The following GMDS variants were observed in gnomAD, a reference collection of about 807,000 sequenced individuals.
GMDS encodes the protein GDP-mannose 4,6-dehydratase, also known as GDP-mannose 4,6 dehydratase.
A neutral mutation model predicts 49.9 loss-of-function variants in GMDS; 20 were observed. The ratio of observed to expected loss-of-function variants is 0.40; its 90% CI spans 0.28 to 0.58. The LOEUF (loss-of-function observed/expected upper bound fraction) is 0.58. Among genes scored for constraint, GMDS ranks in the 20% least tolerant of loss-of-function variants. The pLI, the probability that GMDS is intolerant of heterozygous loss-of-function variation, is 0.42. For synonymous variants in GMDS, 177 were observed against 178.6 expected (o/e 0.99, Z 0.07); for missense variants, 362 against 481.4 (o/e 0.75, Z 2.32).
chr6:2,068,898 CA>C (rs1340020097), intron 4 of GMDS, among the ~76,000 whole-genome samples: 1 of 152,110 alleles, frequency 6.6e-6, no homozygotes, highest in Non-Finnish European at 1.5e-5. Context: ...ACTCTCTTCA[CA>C]GAAATGGAAA....
At chr6:1,966,714 C>T (rs533304832) in intron 4 of GMDS, among the ~76,000 whole-genome samples, 3 of 152,198 alleles carry the variant, frequency 2.0e-5, no homozygotes, top group Non-Finnish European at 2.9e-5. Flanking sequence ...TCACATGTCA[C>T]ACTGAGATGG....
intron 1 of GMDS, among the ~76,000 whole-genome samples, chr6:2,149,332 T>C (rs1776731506): frequency 6.6e-6 from 1 of 152,190 alleles, no homozygotes; most frequent in African/African-American, 2.4e-5. Context: ...GACTTTTTAT[T>C]TTTTTAGCCA....
intron 7 of GMDS, among the ~76,000 whole-genome samples, chr6:1,897,353 A>G (rs1760254171): frequency 6.6e-6 from 1 of 152,178 alleles, no homozygotes; most frequent in Non-Finnish European, 1.5e-5. Flanking sequence ...ATCTCCAAAT[A>G]CGGTCACATT....
At chr6:2,192,302 C>A (rs1412027471) in intron 1 of GMDS, among the ~76,000 whole-genome samples, 2 of 152,168 alleles carry the variant, frequency 1.3e-5, no homozygotes, top group African/African-American at 4.8e-5. Context: ...CACTGTGGGT[C>A]TTCTCTGAGC....
At chr6:1,820,785 CCTG>C (rs1416760980) in intron 7 of GMDS, among the ~76,000 whole-genome samples, 1 of 152,170 alleles carries the variant, frequency 6.6e-6, no homozygotes, top group Non-Finnish European at 1.5e-5. Flanking sequence ...TAACTGCAAG[CCTG>C]CTGCTTTTTA....
chr6:2,001,307 C>T (rs1186019695), intron 4 of GMDS, among the ~76,000 whole-genome samples: 1 of 152,096 alleles, frequency 6.6e-6, no homozygotes, highest in Non-Finnish European at 1.5e-5. Context: ...GAAATGTTTA[C>T]TCAGTTCCTT....
chr6:2,124,603 G>A (rs1775315723), intron 2 of GMDS, 84 bp downstream of exon 2: 10 of 986,470 alleles, frequency 1.0e-5, no homozygotes, highest in Non-Finnish European at 1.1e-5. Flanking sequence ...AACACACTCA[G>A]GAGGACGGCA....
intron 7 of GMDS, among the ~76,000 whole-genome samples, chr6:1,917,835 C>T (rs973335760): frequency 6.6e-6 from 1 of 152,214 alleles, no homozygotes; most frequent in Non-Finnish European, 1.5e-5. Context: ...CAGACTATCG[C>T]TCTGCTCTGT....
chr6:2,170,454 T>C (rs1476626809), intron 1 of GMDS, among the ~76,000 whole-genome samples: 1 of 151,722 alleles, frequency 6.6e-6, no homozygotes, highest in African/African-American at 2.4e-5. Context: ...AGCAAGACCC[T>C]ACCTCTACAG....
intron 9 of GMDS, among the ~76,000 whole-genome samples, chr6:1,700,946 T>A (rs1347297453): frequency 4.6e-5 from 7 of 152,198 alleles, no homozygotes; most frequent in Admixed American, 4.6e-4. Flanking sequence ...ATCCTATTCG[T>A]AAATCATAAC....
At chr6:1,736,540 G>A (rs1000344334) in intron 8 of GMDS, among the ~76,000 whole-genome samples, 10 of 152,174 alleles carry the variant, frequency 6.6e-5, no homozygotes, top group Non-Finnish European at 4.4e-5. Flanking sequence ...TAGCTCTAAT[G>A]GGGATTTTGA....
At chr6:2,132,288 T>C (rs1238460729) in intron 1 of GMDS, among the ~76,000 whole-genome samples, 2 of 152,192 alleles carry the variant, frequency 1.3e-5, no homozygotes, top group Non-Finnish European at 1.5e-5. Context: ...TCACATAAAA[T>C]ATGGCTTCTA....
At chr6:2,202,427 T>C in intron 1 of GMDS, among the ~76,000 whole-genome samples, 1 of 108,882 alleles carries the variant, frequency 9.2e-6, no homozygotes, top group Admixed American at 1.1e-4. Context: ...TGCTGCCAAT[T>C]TCTTTCTATT....
chr6:1,643,383 G>A (rs1763391470), intron 9 of GMDS, among the ~76,000 whole-genome samples: 1 of 152,170 alleles, frequency 6.6e-6, no homozygotes. Flanking sequence ...CGGGGCAGCT[G>A]AGCCCCCGAG....
intron 7 of GMDS, among the ~76,000 whole-genome samples, chr6:1,877,449 G>T (rs1010348407): frequency 1.3e-5 from 2 of 151,850 alleles, no homozygotes; most frequent in Admixed American, 1.3e-4. Flanking sequence ...AGACCAGCCT[G>T]GGCAACATAG....
Position 2,080,258 on chromosome 6 carries a change from A to G in GMDS, c.345+35513T>C, listed in dbSNP as rs769124566. ...GTATTATTTTTCATAATTCCCTGGT[A>G]TCTCACTGAGCTTCTTCACAATCAA... is the stretch of plus-strand genomic sequence containing the variant. On this transcript the variant is annotated intron_variant, in intron 4 of 10. Transcript: ENST00000380815. Among the ~76,000 whole-genome samples, 2 of 152,114 alleles carry G rather than the reference A, an allele frequency of 1.3e-5. 1 individual carries two copies. The highest frequency in any genetic ancestry group is 4.1e-4 in the South Asian group (2 of 4,834).
At chr6:2,165,694 G>A (rs1238547785) in intron 1 of GMDS, among the ~76,000 whole-genome samples, 4 of 152,144 alleles carry the variant, frequency 2.6e-5, no homozygotes, top group African/African-American at 9.7e-5. Context: ...CATGTTAAAA[G>A]CTAAATAAAA....
At chr6:1,711,504 C>T (rs1457593298) in intron 9 of GMDS, among the ~76,000 whole-genome samples, 1 of 152,174 alleles carries the variant, frequency 6.6e-6, no homozygotes, top group Admixed American at 6.5e-5. Context: ...CCCACCCATC[C>T]ACAACAGCTC....
At chr6:1,832,026 C>T (rs746647183) in intron 7 of GMDS, among the ~76,000 whole-genome samples, 5 of 151,960 alleles carry the variant, frequency 3.3e-5, no homozygotes, top group Non-Finnish European at 7.4e-5. Flanking sequence ...TACCATCTTA[C>T]GTGGTTTGAT....
Sources: allele counts gnomAD v4.1 joint callset (sites outside exome capture counted in the v4.1 genomes callset), GRCh38; gene constraint gnomAD v4.1.1; transcripts MANE v1.5; gene names NCBI Gene and HGNC (gene_info 2026-07-23, HGNC 2026-07-21).